Variants in PTPRR observed in about 807,000 individuals in gnomAD.
The protein encoded by PTPRR is receptor-type tyrosine-protein phosphatase R.
Under a neutral mutation model 77.2 loss-of-function variants are expected in PTPRR, and 38 were observed. That is an observed-to-expected ratio of 0.49 (90% confidence interval 0.38 to 0.65). PTPRR has a LOEUF of 0.65. PTPRR is among the 30% of genes least tolerant of loss of function. PTPRR has a pLI of 0.00. For missense variants in PTPRR, 744 were observed against 799.2 expected (o/e 0.93, Z 0.83); for synonymous variants, 299 against 283.1 (o/e 1.06, Z -0.57).
rs548795187 is a variant in PTPRR, at chr12:70,692,282, G to T, written c.1279+5983C>A. On this transcript the variant is annotated intron_variant, in intron 8 of 13. Coordinates refer to ENST00000283228, the MANE Select transcript of PTPRR (RefSeq NM_002849.4). Reference sequence around the variant, plus strand: ...TATTTATATACTTATTGATAATTCAGTTTAGAGCAGCCCTGATCAATAGAA... The same window carrying T: ...TATTTATATACTTATTGATAATTCATTTTAGAGCAGCCCTGATCAATAGAA... Among the ~76,000 whole-genome samples, 4 of 152,322 alleles carry T rather than the reference G, an allele frequency of 2.6e-5. No homozygotes were observed. In the East Asian group the frequency reaches 7.7e-4, roughly 29 times the overall value.
chr12:70,799,672 T>C (rs1184167784), intron 2 of PTPRR, among the ~76,000 whole-genome samples: 1 of 152,128 alleles, frequency 6.6e-6, no homozygotes, highest in Non-Finnish European at 1.5e-5. Flanking sequence ...CATCAGAAAA[T>C]ATCTTTGGTG....
intron 2 of PTPRR, among the ~76,000 whole-genome samples, chr12:70,888,667 C>A (rs1311958938): frequency 2.6e-5 from 4 of 151,952 alleles, no homozygotes; most frequent in Non-Finnish European, 5.9e-5. Context: ...TATTTTGATC[C>A]CATATACCCT....
At chr12:70,774,897 A>G (rs1289300823) in intron 2 of PTPRR, among the ~76,000 whole-genome samples, 1 of 152,206 alleles carries the variant, frequency 6.6e-6, no homozygotes, top group Non-Finnish European at 1.5e-5. Flanking sequence ...GCCTCTCCTC[A>G]TCCTATTATG....
At chr12:70,884,341 C>G (rs1394563189) in intron 2 of PTPRR, among the ~76,000 whole-genome samples, 4 of 152,020 alleles carry the variant, frequency 2.6e-5, no homozygotes, top group Admixed American at 2.6e-4. Flanking sequence ...AGATAGTAAG[C>G]ATGATTTACA....
intron 6 of PTPRR, among the ~76,000 whole-genome samples, chr12:70,733,018 A>G (rs1889717165): frequency 6.6e-6 from 1 of 152,180 alleles, no homozygotes; most frequent in Non-Finnish European, 1.5e-5. Context: ...GAGGGAAATC[A>G]AAGCCGAGAG....
At chr12:70,826,288 G>T (rs1266484817) in intron 2 of PTPRR, among the ~76,000 whole-genome samples, 6 of 152,168 alleles carry the variant, frequency 3.9e-5, no homozygotes, top group Non-Finnish European at 7.3e-5. Flanking sequence ...GAGAAGCAGT[G>T]AGGTGCAAAT....
At chr12:70,675,315 A>G (rs994282435) in intron 10 of PTPRR, among the ~76,000 whole-genome samples, 17 of 151,834 alleles carry the variant, frequency 1.1e-4, no homozygotes, top group Admixed American at 5.2e-4. Context: ...ATTTTTTTCT[A>G]TCTCCCAATT....
chr12:70,863,429 G>C lies in PTPRR; in HGVS notation c.357+29250C>G, dbSNP rs58491532. On this transcript the variant is annotated intron_variant, in intron 2 of 13. Transcript: ENST00000283228. Reference sequence around the variant, plus strand: ...CATGACTGTCCTACTTTTATGTAATGTTACATCTATTATTCTGCTTTAATT... The same window carrying C: ...CATGACTGTCCTACTTTTATGTAATCTTACATCTATTATTCTGCTTTAATT... Among the ~76,000 whole-genome samples, 459 of 152,176 alleles carry C rather than the reference G, an allele frequency of 3.0e-3. 5 individuals are homozygous for C. The highest frequency in any genetic ancestry group is 0.011 in the African/African-American group (442 of 41,514).
chr12:70,914,001 G>T (rs914548491), intron 1 of PTPRR, among the ~76,000 whole-genome samples: 1 of 152,076 alleles, frequency 6.6e-6, no homozygotes, highest in African/African-American at 2.4e-5. Flanking sequence ...ATTGACAGGG[G>T]AATATACAGG....
chr12:70,883,416 G>A (rs1212585642), intron 2 of PTPRR, among the ~76,000 whole-genome samples: 3 of 152,232 alleles, frequency 2.0e-5, no homozygotes, highest in South Asian at 2.1e-4. Context: ...CTGGTAAGCC[G>A]AATGATTACC....
intron 12 of PTPRR, among the ~76,000 whole-genome samples, chr12:70,657,684 CAG>C (rs1364912963): frequency 1.2e-4 from 18 of 152,166 alleles, no homozygotes. Flanking sequence ...GTATCTAAAA[CAG>C]AATTAATTAT....
intron 2 of PTPRR, among the ~76,000 whole-genome samples, chr12:70,824,891 G>C (rs1199719404): frequency 6.6e-6 from 1 of 152,156 alleles, no homozygotes; most frequent in African/African-American, 2.4e-5. Flanking sequence ...TGCTTATTAA[G>C]ATTTCATGGA....
At chr12:70,876,337 A>G (rs1893051485) in intron 2 of PTPRR, among the ~76,000 whole-genome samples, 1 of 152,204 alleles carries the variant, frequency 6.6e-6, no homozygotes, top group Non-Finnish European at 1.5e-5. Context: ...TGATTATCAT[A>G]GCAATTTTGT....
At chr12:70,835,247 C>T (rs573753646) in intron 2 of PTPRR, among the ~76,000 whole-genome samples, 9 of 152,006 alleles carry the variant, frequency 5.9e-5, no homozygotes, top group Non-Finnish European at 8.8e-5. Flanking sequence ...CCTTTGTATA[C>T]TTAAAATTGC....
At chr12:70,761,355 T>C (rs1481647092) in intron 4 of PTPRR, 116 bp downstream of exon 4, 7 of 1,014,546 alleles carry the variant, frequency 6.9e-6, no homozygotes, top group African/African-American at 1.6e-5. Flanking sequence ...AGGGAAATTT[T>C]TATTATCAAA....
At chr12:70,828,630 G>A (rs577479234) in intron 2 of PTPRR, among the ~76,000 whole-genome samples, 69 of 152,254 alleles carry the variant, frequency 4.5e-4, no homozygotes, top group Non-Finnish European at 7.8e-4. Flanking sequence ...TCAGTATGTA[G>A]TACTTTCTTA....
At chr12:70,877,254 AG>A (rs1472964637) in intron 2 of PTPRR, among the ~76,000 whole-genome samples, 1 of 152,160 alleles carries the variant, frequency 6.6e-6, no homozygotes, top group Non-Finnish European at 1.5e-5. Context: ...TGAAGTGTGA[AG>A]GGTACCTCCT....
intron 6 of PTPRR, among the ~76,000 whole-genome samples, chr12:70,704,440 A>C (rs1488884854): frequency 6.6e-6 from 1 of 151,966 alleles, no homozygotes; most frequent in East Asian, 1.9e-4. Flanking sequence ...TAAATAAATA[A>C]ATACATAAAT....
At chr12:70,845,148 G>A (rs1343847002) in intron 2 of PTPRR, among the ~76,000 whole-genome samples, 1 of 152,156 alleles carries the variant, frequency 6.6e-6, no homozygotes, top group Non-Finnish European at 1.5e-5. Flanking sequence ...CTTATGGGCT[G>A]CAGATGTTCA....
Sources: gnomAD v4.1 joint callset for allele counts (sites outside exome capture counted in the v4.1 genomes callset) on GRCh38, gnomAD v4.1.1 for gene constraint, MANE v1.5 for transcripts, NCBI Gene and HGNC (gene_info 2026-07-23, HGNC 2026-07-21) for gene names.